MYBL1: variants seen among roughly 807,000 people sequenced by gnomAD.
MYBL1 encodes MYB proto-oncogene like 1.
A neutral mutation model predicts 96.3 loss-of-function variants in MYBL1; 17 were observed. That is an observed-to-expected ratio of 0.18 (90% CI 0.12 to 0.26). The LOEUF is 0.26. Ranked by LOEUF, MYBL1 falls within the 10% of genes least tolerant of loss-of-function variation. The pLI, the probability that MYBL1 is intolerant of heterozygous loss-of-function variation, is 1.00. For synonymous variants in MYBL1, 282 were observed against 292.7 expected (o/e 0.96, Z 0.37); for missense variants, 701 against 882.9 (o/e 0.79, Z 2.61).
At chr8:66,583,497 GACAA>G (rs1427099502) in intron 8 of MYBL1, among the ~76,000 whole-genome samples, 1 of 151,340 alleles carries the variant, frequency 6.6e-6, no homozygotes, top group Non-Finnish European at 1.5e-5. Context: ...ACAAAACTGA[GACAA>G]ACAAATACAA....
intron 6 of MYBL1, among the ~76,000 whole-genome samples, chr8:66,594,330 T>C (rs553495249): frequency 5.9e-5 from 9 of 152,274 alleles, no homozygotes; most frequent in African/African-American, 1.4e-4. Context: ...GAAACGTATC[T>C]TTCCCAAACT....
intron 12 of MYBL1, 63 bp from the exon 13 acceptor site, chr8:66,567,055 A>G: frequency 9.5e-7 from 1 of 1,051,944 alleles, no homozygotes; most frequent in Non-Finnish European, 1.4e-6. Flanking sequence ...CTCCCTATAT[A>G]TAGGAAACCC....
chr8:66,566,530 G>A (rs1471246461), intron 14 of MYBL1, among the ~76,000 whole-genome samples, 154 bp downstream of exon 14: 1 of 152,058 alleles, frequency 6.6e-6, no homozygotes, highest in Non-Finnish European at 1.5e-5. Flanking sequence ...ATTCTCTACA[G>A]TGAATAGTTT....
At chr8:66,602,630 A>G in intron 1 of MYBL1, 107 bp from the exon 2 acceptor site, 1 of 525,350 alleles carries the variant, frequency 1.9e-6, no homozygotes, top group Non-Finnish European at 3.1e-6. Context: ...TACAGACTAC[A>G]AGTCATATTC....
intron 1 of MYBL1, 146 bp from the exon 2 acceptor site, chr8:66,602,669 T>A (rs1330303638): frequency 9.5e-6 from 2 of 210,798 alleles, no homozygotes; most frequent in Non-Finnish European, 1.7e-5. Flanking sequence ...GTACAAAAAA[T>A]TAAGAGTCAG....
In MYBL1 at chr8:66,564,838, T is replaced by C; in HGVS notation, c.2131-13A>G. ...ATTCACAATTTGACTAGAAAGGAAATATTAATAGTGACATGAAAATTATTA... is the reference window on the plus strand; with the variant it reads ...ATTCACAATTTGACTAGAAAGGAAACATTAATAGTGACATGAAAATTATTA... On this transcript the variant is annotated splice_polypyrimidine_tract_variant and intron_variant, in intron 15 of 15. Coordinates refer to ENST00000522677, the MANE Select transcript of MYBL1 (RefSeq NM_001080416.4). The C allele has an allele frequency of 2.0e-6, 3 of 1,534,194 alleles. No individual in the cohort carries two copies. Among genetic ancestry groups the C allele is most frequent in the Middle Eastern group, 1.7e-4 (1 of 5,932 alleles).
At chr8:66,580,041 A>G (rs1809135566) in intron 9 of MYBL1, 92 bp downstream of exon 9, 9 of 966,022 alleles carry the variant, frequency 9.3e-6, no homozygotes, top group Non-Finnish European at 1.2e-5. Context: ...CATACAAAAC[A>G]TAAAACTGGT....
intron 4 of MYBL1, 22 bp from the exon 5 acceptor site, chr8:66,597,572 T>C (rs200626024): frequency 2.1e-6 from 3 of 1,456,432 alleles, no homozygotes; most frequent in Admixed American, 4.0e-5. Context: ...AAAAACAAAG[T>C]TTAAAAAAGC....
At chr8:66,571,407 G>T (rs1027281501) in intron 12 of MYBL1, among the ~76,000 whole-genome samples, 3 of 152,102 alleles carry the variant, frequency 2.0e-5, no homozygotes. Context: ...TGTGTTTTAT[G>T]ATCTCCTTTG....
chr8:66,602,569 T>C, intron 1 of MYBL1, 46 bp from the exon 2 acceptor site: 1 of 1,413,260 alleles, frequency 7.1e-7, no homozygotes, highest in African/African-American at 1.4e-5. Context: ...TTATTTAAAT[T>C]TGTAAATTCA....
chr8:66,571,249 G>C (rs1017530587), intron 12 of MYBL1, among the ~76,000 whole-genome samples: 2 of 152,132 alleles, frequency 1.3e-5, no homozygotes, highest in African/African-American at 2.4e-5. Context: ...ACAGTAACTA[G>C]AACACTTCCC....
At chr8:66,588,057 T>G (rs1220878758) in intron 8 of MYBL1, among the ~76,000 whole-genome samples, 1 of 152,146 alleles carries the variant, frequency 6.6e-6, no homozygotes, top group Non-Finnish European at 1.5e-5. Context: ...CATTTCATTA[T>G]TTTCCATTTC....
intron 6 of MYBL1, 24 bp from the exon 7 acceptor site, chr8:66,593,218 T>C (rs189996701): frequency 1.9e-4 from 255 of 1,348,212 alleles, no homozygotes; most frequent in Non-Finnish European, 2.5e-4. Context: ...AATGCATTAT[T>C]ATCATACATA....
chr8:66,581,394 A>G (rs1809204933), intron 8 of MYBL1, among the ~76,000 whole-genome samples: 1 of 152,174 alleles, frequency 6.6e-6, no homozygotes, highest in African/African-American at 2.4e-5. Flanking sequence ...ATAGCAAGAG[A>G]GAACAGGTAC....
At chr8:66,592,301 G>A (rs1162098633) in intron 8 of MYBL1, 139 bp downstream of exon 8, 2 of 615,182 alleles carry the variant, frequency 3.3e-6, no homozygotes, top group Non-Finnish European at 5.5e-6. Context: ...CCTCAAAGTT[G>A]CAAATTAAAA....
chr8:66,609,784 C>T (rs139118280), intron 1 of MYBL1, among the ~76,000 whole-genome samples: 1,636 of 152,042 alleles, frequency 0.011, 14 homozygotes, highest in Non-Finnish European at 0.016. Context: ...AACTACCTTA[C>T]AGACCATAAA....
intron 1 of MYBL1, among the ~76,000 whole-genome samples, chr8:66,605,415 TAA>T (rs1218773067): frequency 1.3e-5 from 2 of 151,938 alleles, no homozygotes; most frequent in African/African-American, 4.8e-5. Context: ...CAAGGAAAAT[TAA>T]TAAAGTGAGG....
At position 66,599,144 on chromosome 8, in the gene MYBL1, T is replaced by C. The variant is rs1407837984; in HGVS notation, c.199-2A>G. Reference sequence around the variant, plus strand: ...CTGGCACTGAAAATCAGAGCGATTCTGAAAAAATTTAGAAGATTTTGTTAT... The same window carrying C: ...CTGGCACTGAAAATCAGAGCGATTCCGAAAAAATTTAGAAGATTTTGTTAT... On this transcript the variant is annotated splice_acceptor_variant, in intron 3 of 15. Transcript: ENST00000522677. LOFTEE classifies it high-confidence loss of function. 1.3e-6 allele frequency: 2 copies of C among 1,559,314 alleles called. No individual in the cohort carries two copies. Among genetic ancestry groups the C allele is most frequent in the Admixed American group, 2.1e-5 (1 of 47,214 alleles).
intron 8 of MYBL1, among the ~76,000 whole-genome samples, chr8:66,582,110 A>G (rs574239035): frequency 1.3e-5 from 2 of 152,338 alleles, no homozygotes; most frequent in Non-Finnish European, 2.9e-5. Context: ...AATAAACATT[A>G]AGAGAGGAAG....
Sources: allele counts gnomAD v4.1 joint callset (sites outside exome capture counted in the v4.1 genomes callset), GRCh38; gene constraint gnomAD v4.1.1; transcripts MANE v1.5; gene names NCBI Gene and HGNC (gene_info 2026-07-23, HGNC 2026-07-21).